Variants in CNTNAP2 observed in about 807,000 individuals in gnomAD.
The protein encoded by CNTNAP2 is contactin-associated protein-like 2.
A neutral mutation model predicts 155.2 loss-of-function variants in CNTNAP2; 98 were observed. The ratio of observed to expected loss-of-function variants is 0.63; its 90% CI spans 0.54 to 0.75. The LOEUF is 0.75. Ranked by LOEUF, CNTNAP2 falls within the 30% of genes least tolerant of loss-of-function variation. The pLI, the probability that CNTNAP2 is intolerant of heterozygous loss-of-function variation, is 0.00. For missense variants in CNTNAP2, 1,727 were observed against 1,688.1 expected (o/e 1.02, Z -0.40); for synonymous variants, 651 against 631.2 (o/e 1.03, Z -0.47).
At chr7:147,224,677 A>G (rs1269438575) in intron 8 of CNTNAP2, among the ~76,000 whole-genome samples, 3 of 151,600 alleles carry the variant, frequency 2.0e-5, no homozygotes, top group African/African-American at 7.3e-5. Flanking sequence ...TGGGTGAAGT[A>G]TGAATGGGTG....
At chr7:146,444,692 C>G (rs1229283760) in intron 1 of CNTNAP2, among the ~76,000 whole-genome samples, 1 of 147,896 alleles carries the variant, frequency 6.8e-6, no homozygotes, top group Non-Finnish European at 1.5e-5. Context: ...GCATTTTACT[C>G]TGTTGCCTAG....
chr7:147,605,892 T>TCA (rs1178888741), intron 12 of CNTNAP2, among the ~76,000 whole-genome samples: 1 of 151,286 alleles, frequency 6.6e-6, no homozygotes, highest in African/African-American at 2.4e-5. Context: ...TCTTCCCTTC[T>TCA]CTCTCTCTCT....
At chr7:146,602,633 C>T (rs930221034) in intron 1 of CNTNAP2, among the ~76,000 whole-genome samples, 1 of 152,136 alleles carries the variant, frequency 6.6e-6, no homozygotes, top group African/African-American at 2.4e-5. Flanking sequence ...CTACGTTGCC[C>T]TTGATACTAG....
At chr7:147,416,889 G>A (rs1797202201) in intron 10 of CNTNAP2, among the ~76,000 whole-genome samples, 1 of 150,534 alleles carries the variant, frequency 6.6e-6, no homozygotes, top group Admixed American at 6.6e-5. Context: ...AGGAGTTTGA[G>A]ACCAGACTGG....
chr7:146,188,095 C>T (rs1400638519), intron 1 of CNTNAP2, among the ~76,000 whole-genome samples: 1 of 152,052 alleles, frequency 6.6e-6, no homozygotes, highest in Admixed American at 6.6e-5. Context: ...GTAATGAAGA[C>T]CTTAGGTGAG....
At chr7:146,840,039 T>C in intron 3 of CNTNAP2, 135 bp downstream of exon 3, 1 of 1,073,820 alleles carries the variant, frequency 9.3e-7, no homozygotes, top group Non-Finnish European at 1.4e-6. Flanking sequence ...TTCATCATTG[T>C]TGATGGAAGA....
At chr7:148,054,735 C>T (rs1203430607) in intron 15 of CNTNAP2, among the ~76,000 whole-genome samples, 1 of 152,040 alleles carries the variant, frequency 6.6e-6, no homozygotes, top group Non-Finnish European at 1.5e-5. Flanking sequence ...TGAAGTCTGA[C>T]ACATTACAAA....
chr7:146,489,373 G>C (rs779439963), intron 1 of CNTNAP2, among the ~76,000 whole-genome samples: 2 of 152,130 alleles, frequency 1.3e-5, no homozygotes, highest in Non-Finnish European at 2.9e-5. Flanking sequence ...TTTTTAACTT[G>C]TCTAATTGAA....
At chr7:148,318,046 G>A (rs144779953) in intron 21 of CNTNAP2, among the ~76,000 whole-genome samples, 165 of 152,252 alleles carry the variant, frequency 1.1e-3, no homozygotes, top group Non-Finnish European at 1.8e-3. Context: ...TCTTTATCCC[G>A]GAGAGATGGC....
At chr7:147,131,132 C>A (rs181350053) in intron 7 of CNTNAP2, among the ~76,000 whole-genome samples, 1 of 146,678 alleles carries the variant, frequency 6.8e-6, no homozygotes, top group African/African-American at 2.5e-5. Flanking sequence ...CATATATATA[C>A]CATATACATA....
intron 1 of CNTNAP2, among the ~76,000 whole-genome samples, chr7:146,221,298 T>C (rs1799204929): frequency 6.6e-6 from 1 of 152,260 alleles, no homozygotes; most frequent in Admixed American, 6.5e-5. Context: ...CAATATATAC[T>C]GCAACAATAT....
At chr7:146,270,062 C>T (rs1800056149) in intron 1 of CNTNAP2, among the ~76,000 whole-genome samples, 1 of 152,104 alleles carries the variant, frequency 6.6e-6, no homozygotes, top group South Asian at 2.1e-4. Flanking sequence ...TTTCATTTTA[C>T]TCTTATTGGG....
chr7:148,123,619 C>G (rs1309045461), intron 16 of CNTNAP2, among the ~76,000 whole-genome samples: 2 of 114,922 alleles, frequency 1.7e-5, no homozygotes, highest in Admixed American at 1.0e-4. Context: ...GGAAGGGAGA[C>G]AAGGAAGGGA....
chr7:147,355,640 T>C (rs912220129), intron 9 of CNTNAP2, among the ~76,000 whole-genome samples: 5 of 152,044 alleles, frequency 3.3e-5, no homozygotes, highest in African/African-American at 9.6e-5. Context: ...CAAACTACCA[T>C]CAGAGAATAC....
At chr7:147,973,842 A>G (rs1801379735) in intron 14 of CNTNAP2, among the ~76,000 whole-genome samples, 1 of 152,196 alleles carries the variant, frequency 6.6e-6, no homozygotes, top group African/African-American at 2.4e-5. Flanking sequence ...AACTTTGTCT[A>G]GCTAAATTCT....
chr7:146,580,796 T>G (rs1239660477), intron 1 of CNTNAP2, among the ~76,000 whole-genome samples: 34 of 152,118 alleles, frequency 2.2e-4, no homozygotes, highest in Admixed American at 2.2e-3. Flanking sequence ...TTGTACGTTT[T>G]CATCAAAGCT....
intron 11 of CNTNAP2, among the ~76,000 whole-genome samples, chr7:147,505,168 A>G (rs946516473): frequency 1.3e-5 from 2 of 152,162 alleles, no homozygotes; most frequent in Non-Finnish European, 2.9e-5. Flanking sequence ...TCCTGACATT[A>G]TTAATGGCCC....
chr7:147,254,859 G>C (rs1804286441), intron 8 of CNTNAP2, among the ~76,000 whole-genome samples: 1 of 152,132 alleles, frequency 6.6e-6, no homozygotes, highest in African/African-American at 2.4e-5. Context: ...TTTCAGCAAA[G>C]ACTTAATTGT....
At chr7:148,217,212 C>A in intron 18 of CNTNAP2, 76 bp from the exon 19 acceptor site, 1 of 1,449,226 alleles carries the variant, frequency 6.9e-7, no homozygotes, top group Non-Finnish European at 9.7e-7. Flanking sequence ...ACTCCATGAA[C>A]TGCTGGAGAG....
Sources: gnomAD v4.1 joint callset for allele counts (sites outside exome capture counted in the v4.1 genomes callset) on GRCh38, gnomAD v4.1.1 for gene constraint, MANE v1.5 for transcripts, NCBI Gene and HGNC (gene_info 2026-07-23, HGNC 2026-07-21) for gene names.